SCHIP1: variants seen among roughly 807,000 people sequenced by gnomAD.
SCHIP1 encodes schwannomin-interacting protein 1.
Under a neutral mutation model 29.7 loss-of-function variants are expected in SCHIP1, and 8 were observed. The ratio of observed to expected loss-of-function variants is 0.27; its 90% confidence interval spans 0.16 to 0.49. SCHIP1 has a LOEUF of 0.49. Among genes scored for constraint, SCHIP1 ranks in the 20% least tolerant of loss-of-function variants. SCHIP1 has a pLI of 0.99. For synonymous variants in SCHIP1, 76 were observed against 94.9 expected (o/e 0.80, Z 1.16); for missense variants, 193 against 294.6 (o/e 0.66, Z 2.52).
At chr3:159,848,529 C>A (rs1339512668) in intron 1 of SCHIP1, among the ~76,000 whole-genome samples, 1 of 152,076 alleles carries the variant, frequency 6.6e-6, no homozygotes, top group African/African-American at 2.4e-5. Context: ...TAATCCCAAG[C>A]ATGTAGTCAA....
At chr3:159,346,967 G>A in the SCHIP1 span, among the ~76,000 whole-genome samples, 3 of 152,156 alleles carry the variant, frequency 2.0e-5, no homozygotes, top group Non-Finnish European at 4.4e-5. Flanking sequence ...CACTCATAGT[G>A]GCAGTCATGA....
intron 1 of SCHIP1, among the ~76,000 whole-genome samples, chr3:159,858,295 T>C (rs1428722553): frequency 6.6e-6 from 1 of 152,188 alleles, no homozygotes; most frequent in Non-Finnish European, 1.5e-5. Flanking sequence ...AGGACAATCA[T>C]TTAGTTTTCC....
At chr3:159,756,654 C>G in the SCHIP1 span, among the ~76,000 whole-genome samples, 1 of 152,190 alleles carries the variant, frequency 6.6e-6, no homozygotes, top group African/African-American at 2.4e-5. Context: ...ATGGGTTTTT[C>G]CTTTTCTACT....
the SCHIP1 span, among the ~76,000 whole-genome samples, chr3:159,649,955 A>T: frequency 6.6e-6 from 1 of 152,216 alleles, no homozygotes; most frequent in African/African-American, 2.4e-5. Flanking sequence ...CTATTTTCCC[A>T]AGACATAGGT....
At chr3:159,317,834 G>A in the SCHIP1 span, among the ~76,000 whole-genome samples, 1 of 151,870 alleles carries the variant, frequency 6.6e-6, no homozygotes, top group African/African-American at 2.4e-5. Flanking sequence ...ATTATGTGCA[G>A]GATAGGCAAT....
chr3:159,780,422 T>C, the SCHIP1 span, among the ~76,000 whole-genome samples: 1 of 152,222 alleles, frequency 6.6e-6, no homozygotes, highest in Non-Finnish European at 1.5e-5. Flanking sequence ...GGGCAGTCTC[T>C]TGACTTAGGA....
chr3:159,395,102 T>C, the SCHIP1 span, among the ~76,000 whole-genome samples: 12 of 152,248 alleles, frequency 7.9e-5, no homozygotes, highest in Non-Finnish European at 2.9e-5. Flanking sequence ...TTTATTTGCA[T>C]AGAGGTGTTT....
the SCHIP1 span, among the ~76,000 whole-genome samples, chr3:159,446,247 C>A: frequency 6.6e-6 from 1 of 151,994 alleles, no homozygotes; most frequent in Non-Finnish European, 1.5e-5. Flanking sequence ...CATATGCCCA[C>A]TAATATTGTT....
the SCHIP1 span, among the ~76,000 whole-genome samples, chr3:159,549,641 T>C: frequency 1.3e-5 from 2 of 152,168 alleles, no homozygotes; most frequent in East Asian, 1.9e-4. Context: ...GACACTGGAC[T>C]TCCAGTCTCC....
chr3:159,412,976 C>A, the SCHIP1 span, among the ~76,000 whole-genome samples: 1 of 152,178 alleles, frequency 6.6e-6, no homozygotes, highest in African/African-American at 2.4e-5. Context: ...TGGCTCACAG[C>A]TCCACATGGC....
chr3:159,297,361 C>T, the SCHIP1 span, among the ~76,000 whole-genome samples: 400 of 152,086 alleles, frequency 2.6e-3, 5 homozygotes, highest in African/African-American at 8.9e-3. Flanking sequence ...TTTAATTTTT[C>T]GAGGAACCTC....
At chr3:159,826,256 G>T in the SCHIP1 span, among the ~76,000 whole-genome samples, 1 of 152,122 alleles carries the variant, frequency 6.6e-6, no homozygotes, top group African/African-American at 2.4e-5. Context: ...CAAAATGATC[G>T]AATCAGGGGC....
chr3:159,438,366 T>A, the SCHIP1 span, among the ~76,000 whole-genome samples: 1 of 151,956 alleles, frequency 6.6e-6, no homozygotes, highest in South Asian at 2.1e-4. Flanking sequence ...TGATCCTCAA[T>A]CCCCTCAATC....
chr3:159,494,831 G>C, the SCHIP1 span, among the ~76,000 whole-genome samples: 3 of 152,140 alleles, frequency 2.0e-5, no homozygotes, highest in Non-Finnish European at 4.4e-5. Flanking sequence ...CAATATCCTT[G>C]ATGAACATTG....
the SCHIP1 span, among the ~76,000 whole-genome samples, chr3:159,285,167 A>G: frequency 2.9e-4 from 44 of 152,160 alleles, no homozygotes; most frequent in African/African-American, 9.1e-4. Context: ...AGTTTCATAT[A>G]GAAATATAAT....
At chr3:159,603,821 G>A in the SCHIP1 span, among the ~76,000 whole-genome samples, 2 of 152,066 alleles carry the variant, frequency 1.3e-5, no homozygotes, top group Non-Finnish European at 2.9e-5. Context: ...ACATCTAGGG[G>A]CTGTATCTGG....
chr3:159,739,124 C>T, the SCHIP1 span, among the ~76,000 whole-genome samples: 197 of 152,212 alleles, frequency 1.3e-3, no homozygotes, highest in African/African-American at 4.6e-3. Context: ...GGACAGGGAC[C>T]GGGGATGATA....
At chr3:159,487,898 G>A in the SCHIP1 span, among the ~76,000 whole-genome samples, 1 of 152,146 alleles carries the variant, frequency 6.6e-6, no homozygotes, top group African/African-American at 2.4e-5. Context: ...TGCTATTTAT[G>A]ATAAGTGACA....
At chr3:159,382,888 G>A in the SCHIP1 span, among the ~76,000 whole-genome samples, 2 of 151,750 alleles carry the variant, frequency 1.3e-5, no homozygotes, top group African/African-American at 4.8e-5. Context: ...TGTCTTTTTT[G>A]GCTGCATTAA....
Sources: allele counts gnomAD v4.1 joint callset (sites outside exome capture counted in the v4.1 genomes callset), GRCh38; gene constraint gnomAD v4.1.1; transcripts MANE v1.5; gene names NCBI Gene and HGNC (gene_info 2026-07-23, HGNC 2026-07-21).